The following DUSP22 variants were observed in gnomAD, a reference collection of about 807,000 sequenced individuals.
DUSP22 encodes dual specificity phosphatase 22.
DUSP22 carries 24 observed loss-of-function variants against 24.5 expected under a neutral mutation model. That is an observed-to-expected ratio of 0.98 (90% CI 0.71 to 1.38). The LOEUF (loss-of-function observed/expected upper bound fraction) is 1.38. DUSP22 is among the 40% of genes most tolerant of loss of function. The pLI, the probability that DUSP22 is intolerant of heterozygous loss-of-function variation, is 0.00. For missense variants in DUSP22, 330 were observed against 269.2 expected (o/e 1.23, Z -1.58); for synonymous variants, 160 against 106.4 (o/e 1.50, Z -3.10).
intron 2 of DUSP22, among the ~76,000 whole-genome samples, chr6:310,467 T>G (rs558871837): frequency 2.6e-5 from 4 of 152,424 alleles, no homozygotes; most frequent in Admixed American, 2.6e-4. Flanking sequence ...TTTTGTTATC[T>G]TCTTAGTTTC....
chr6:305,325 T>C (rs963152022), intron 2 of DUSP22, among the ~76,000 whole-genome samples: 14 of 152,296 alleles, frequency 9.2e-5, no homozygotes, highest in African/African-American at 3.4e-4. Flanking sequence ...CTGGTTCTCC[T>C]TTGAACTCTC....
rs773859403 is a variant in DUSP22, at chr6:348,946, A to G, written c.613A>G (p.Thr205Ala). 3 of 1,592,344 alleles carry G rather than the reference A, an allele frequency of 1.9e-6. No homozygotes were observed. The highest frequency in any genetic ancestry group is 2.7e-5 in the African/African-American group (2 of 74,514). ...PLTYDNYTTET is the reference protein window; with the variant it reads ...PLTYDNYTTEA The stretch of plus-strand genomic sequence containing the variant: ...GACCTACGATAATTATACGACGGAG[A>G]CCTAACGCAAGCGACCTGCTGCCTT... The change falls in exon 7 of 7, where the codon ACC (threonine) becomes GCC (alanine). Residue 205 changes from threonine to alanine, a missense_variant. Coordinates refer to ENST00000419235, the MANE Select transcript of DUSP22 (RefSeq NM_001286555.3).
chr6:333,990 T>C (rs1307031283), intron 3 of DUSP22, among the ~76,000 whole-genome samples: 1 of 152,304 alleles, frequency 6.6e-6, no homozygotes, highest in Non-Finnish European at 1.5e-5. Context: ...CATTTAGTTG[T>C]CCCTATTGGC....
chr6:332,347 C>T (rs1759177321), intron 3 of DUSP22, among the ~76,000 whole-genome samples: 1 of 152,302 alleles, frequency 6.6e-6, no homozygotes, highest in Non-Finnish European at 1.5e-5. Context: ...ACCCCAGCGA[C>T]TGTGGGCAGG....
At chr6:324,573 C>T (rs1057237358) in intron 3 of DUSP22, among the ~76,000 whole-genome samples, 132 of 152,392 alleles carry the variant, frequency 8.7e-4, no homozygotes, top group Non-Finnish European at 2.8e-4. Flanking sequence ...CCTGAGCTCC[C>T]GTGGCACTCA....
At chr6:336,282 G>C (rs1208409029) in intron 4 of DUSP22, among the ~76,000 whole-genome samples, 1 of 152,310 alleles carries the variant, frequency 6.6e-6, no homozygotes, top group Non-Finnish European at 1.5e-5. Context: ...GTGTGTTACT[G>C]CATGTCACAG....
In DUSP22 at chr6:350,254, T is replaced by C. The variant is rs1430389759; in HGVS notation, c.*1303T>C. The C allele has an allele frequency of 1.0e-6, 1 of 988,596 alleles. No homozygotes were observed. The highest frequency in any genetic ancestry group is 1.2e-6 in the Non-Finnish European group (1 of 832,268). 61.2% of individuals were successfully genotyped at this position (988,596 alleles called of 1,614,324 possible). On this transcript the variant is annotated 3_prime_UTR_variant, in exon 7 of 7. Coordinates refer to ENST00000419235, the MANE Select transcript of DUSP22 (RefSeq NM_001286555.3). The stretch of plus-strand genomic sequence containing the variant: ...TTTGGGCTCCAGTAATGCTTTCTGG[T>C]GGGTAAAATTCCACATTCAGGCCAC...
At chr6:330,457 G>T (rs1321693838) in intron 3 of DUSP22, among the ~76,000 whole-genome samples, 4 of 152,302 alleles carry the variant, frequency 2.6e-5, no homozygotes, top group African/African-American at 9.6e-5. Flanking sequence ...AGAAAGAAAA[G>T]AACAGTGAAT....
chr6:334,727 G>T (rs906210715), intron 3 of DUSP22, among the ~76,000 whole-genome samples: 3 of 152,306 alleles, frequency 2.0e-5, no homozygotes, highest in Non-Finnish European at 4.4e-5. Flanking sequence ...TACGAACAGT[G>T]CTTCCTTTTT....
chr6:299,918 C>G (rs867719539), intron 1 of DUSP22, among the ~76,000 whole-genome samples: 14 of 152,418 alleles, frequency 9.2e-5, no homozygotes, highest in Admixed American at 4.6e-4. Flanking sequence ...TTTCTCTCTC[C>G]TTTCCTCTCA....
chr6:317,738 G>A (rs918592536), intron 3 of DUSP22, among the ~76,000 whole-genome samples: 3 of 152,306 alleles, frequency 2.0e-5, no homozygotes, highest in African/African-American at 4.8e-5. Context: ...GCCGTGCTGG[G>A]GTTTCTCTGG....
intron 3 of DUSP22, among the ~76,000 whole-genome samples, chr6:327,347 G>A (rs1350272269): frequency 6.6e-6 from 1 of 152,306 alleles, no homozygotes; most frequent in Non-Finnish European, 1.5e-5. Context: ...GAAGGTGGAG[G>A]CCGGCCCGCA....
At chr6:311,166 ATTGAAC>A (rs1187191020) in intron 2 of DUSP22, among the ~76,000 whole-genome samples, 40 of 152,406 alleles carry the variant, frequency 2.6e-4, no homozygotes, top group African/African-American at 9.6e-4. Context: ...GCTATACGAT[ATTGAAC>A]TATGATGTAT....
intron 1 of DUSP22, among the ~76,000 whole-genome samples, chr6:300,894 A>G (rs1757552017): frequency 6.6e-6 from 1 of 152,298 alleles, no homozygotes; most frequent in South Asian, 2.1e-4. Flanking sequence ...CCTTGGCAGG[A>G]GCAGATGCTG....
Position 350,266 on chromosome 6 carries a change from C to G in DUSP22, c.*1315C>G, listed in dbSNP as rs562913781. On this transcript the variant is annotated 3_prime_UTR_variant, in exon 7 of 7. Coordinates refer to ENST00000419235, the MANE Select transcript of DUSP22 (RefSeq NM_001286555.3). The stretch of plus-strand genomic sequence containing the variant: ...TAATGCTTTCTGGTGGGTAAAATTC[C>G]ACATTCAGGCCACGAGAGCATCTAC... The G allele has an allele frequency of 1.0e-6, 1 of 988,876 alleles. No homozygotes were observed. The highest frequency in any genetic ancestry group is 4.6e-5 in the South Asian group (1 of 21,518). 61.3% of individuals were successfully genotyped at this position (988,876 alleles called of 1,614,324 possible).
At chr6:298,996 C>T (rs907788129) in intron 1 of DUSP22, among the ~76,000 whole-genome samples, 6 of 152,296 alleles carry the variant, frequency 3.9e-5, no homozygotes, top group African/African-American at 7.2e-5. Flanking sequence ...GAGAGACCTC[C>T]CTGGAAATGG....
intron 5 of DUSP22, among the ~76,000 whole-genome samples, 155 bp downstream of exon 5, chr6:346,083 G>A (rs1418462551): frequency 6.6e-6 from 1 of 152,306 alleles, no homozygotes; most frequent in East Asian, 1.9e-4. Flanking sequence ...CCAGCGCTGT[G>A]TGTTAGTCGC....
At chr6:334,473 T>TA (rs1759276262) in intron 3 of DUSP22, among the ~76,000 whole-genome samples, 1 of 152,302 alleles carries the variant, frequency 6.6e-6, no homozygotes, top group Admixed American at 6.5e-5. Context: ...TTTTTCTGAG[T>TA]TTTATAGAGG....
At position 316,055 on chromosome 6, in the gene DUSP22, A is replaced by G. The variant is rs548499607; in HGVS notation, c.138+4093A>G. 2.6e-5 allele frequency among the ~76,000 whole-genome samples: 4 copies of G among 152,426 alleles called. No individual in the cohort carries two copies. In the East Asian group the frequency reaches 5.8e-4, roughly 22 times the overall value. ...CCTTTGGCGATGCCTAAGAATTCAG[A>G]AAATGTGATCCCTGGCATTCCAGCT... On this transcript the variant is annotated intron_variant, in intron 3 of 6. Coordinates refer to ENST00000419235, the MANE Select transcript of DUSP22 (RefSeq NM_001286555.3).
Sources: gnomAD v4.1 joint callset for allele counts (sites outside exome capture counted in the v4.1 genomes callset) on GRCh38, gnomAD v4.1.1 for gene constraint, MANE v1.5 for transcripts, NCBI Gene and HGNC (gene_info 2026-07-23, HGNC 2026-07-21) for gene names.